SIM1: variants seen among roughly 807,000 people sequenced by gnomAD.
The protein encoded by SIM1 is single-minded homolog 1.
SIM1 carries 18 observed loss-of-function variants against 78.2 expected under a neutral mutation model. The ratio of observed to expected loss-of-function variants is 0.23; its 90% CI spans 0.16 to 0.34. The LOEUF (loss-of-function observed/expected upper bound fraction) is 0.34, where lower values mean the gene tolerates loss of function less well. Ranked by LOEUF, SIM1 falls within the 10% of genes least tolerant of loss-of-function variation. The pLI is 1.00. For synonymous variants in SIM1, 417 were observed against 385.2 expected (o/e 1.08, Z -0.97); for missense variants, 939 against 975.1 (o/e 0.96, Z 0.49).
At chr6:100,419,996 T>C (rs1171520699) in intron 10 of SIM1, among the ~76,000 whole-genome samples, 1 of 152,114 alleles carries the variant, frequency 6.6e-6, no homozygotes, top group Non-Finnish European at 1.5e-5. Context: ...TCTAGTGAAC[T>C]GCAGGAGGTA....
rs978195441 is a variant in SIM1, at chr6:100,430,899, C to CA, written c.999-9942dup. On this transcript the variant is annotated intron_variant, in intron 9 of 11. Transcript: ENST00000369208. Reference sequence around the variant, plus strand: ...TTCAGCTCCACACAAACTCCAGGAACAAAAAAAATACCTGTAATAATAAAA... The same window carrying CA: ...TTCAGCTCCACACAAACTCCAGGAACAAAAAAAAATACCTGTAATAATAAAA... 6.6e-5 allele frequency among the ~76,000 whole-genome samples: 10 copies of CA among 151,596 alleles called. No individual in the cohort carries two copies. The East Asian group carries it at 7.7e-4, about 12-fold the overall frequency.
chr6:100,450,158 C>G, intron 4 of SIM1, 109 bp downstream of exon 4: 1 of 834,866 alleles, frequency 1.2e-6, no homozygotes, highest in Non-Finnish European at 2.0e-6. Context: ...TGTGAGATGT[C>G]CAGCTCCAGG....
intron 9 of SIM1, 74 bp from the exon 10 acceptor site, chr6:100,421,032 G>A (rs1771566205): frequency 1.4e-6 from 2 of 1,452,512 alleles, no homozygotes; most frequent in South Asian, 1.3e-5. Context: ...CATCAGGAAT[G>A]ATAGTAATCC....
intron 2 of SIM1, among the ~76,000 whole-genome samples, chr6:100,457,529 C>A (rs1186856827): frequency 1.3e-5 from 2 of 152,246 alleles, no homozygotes; most frequent in Admixed American, 1.3e-4. Context: ...CCTGCCGGGC[C>A]TGCACATCCT....
intron 10 of SIM1, among the ~76,000 whole-genome samples, chr6:100,413,362 A>T (rs1771312252): frequency 6.6e-6 from 1 of 152,192 alleles, no homozygotes; most frequent in Non-Finnish European, 1.5e-5. Flanking sequence ...ACCACGGGCA[A>T]CATCTCCTAT....
intron 10 of SIM1, among the ~76,000 whole-genome samples, chr6:100,416,711 A>C (rs1013403598): frequency 6.6e-6 from 1 of 152,216 alleles, no homozygotes; most frequent in Admixed American, 6.5e-5. Context: ...TATGTGTGTC[A>C]ATAACTACTA....
At chr6:100,418,224 T>C (rs1450145903) in intron 10 of SIM1, among the ~76,000 whole-genome samples, 1 of 151,912 alleles carries the variant, frequency 6.6e-6, no homozygotes, top group East Asian at 1.9e-4. Flanking sequence ...CATTGTTGTG[T>C]GCCTGTAGTG....
chr6:100,451,652 G>A (rs1248146662), intron 3 of SIM1, among the ~76,000 whole-genome samples: 1 of 152,192 alleles, frequency 6.6e-6, no homozygotes, highest in African/African-American at 2.4e-5. Flanking sequence ...GTAGTCACAA[G>A]GGGAATATAG....
Position 100,412,683 on chromosome 6 carries a change from A to G in SIM1, c.1167+8107T>C, listed in dbSNP as rs201150803. 6.5e-3 allele frequency among the ~76,000 whole-genome samples: 501 copies of G among 77,036 alleles called. 6 individuals are homozygous for G. Among genetic ancestry groups the G allele is most frequent in the East Asian group, 0.015 (29 of 1,960 alleles). The allele number at this position is 77,036 out of a possible 152,430, so 50.5% of individuals were successfully genotyped here. On this transcript the variant is annotated intron_variant, in intron 10 of 11. Coordinates refer to ENST00000369208, the MANE Select transcript of SIM1 (RefSeq NM_005068.3). ...AGAGAGAGAGAGAGAGAAAGAAAGA[A>G]AAAGAAAGAAAGAAAGAAAGAAAGA...
rs754911024 is a variant in SIM1, at chr6:100,463,250, G to T, written c.175+44C>A. ...TCGGCTCATTGCCTGGCAAATCCCC[G>T]GCCCCTTCTGCCTTTGAAATTCCAT... On this transcript the variant is annotated intron_variant, in intron 2 of 11. Coordinates refer to ENST00000369208, the MANE Select transcript of SIM1 (RefSeq NM_005068.3). The T allele has an allele frequency of 4.5e-6, 7 of 1,539,478 alleles. No individual in the cohort carries two copies. In the East Asian group the frequency reaches 1.1e-4, roughly 25 times the overall value.
chr6:100,430,884 C>G (rs192742554), intron 9 of SIM1, among the ~76,000 whole-genome samples: 2 of 152,258 alleles, frequency 1.3e-5, no homozygotes, highest in African/African-American at 4.8e-5. Context: ...TTCAGCTCCA[C>G]ACAAACTCCA....
At chr6:100,430,149 G>T (rs1279217441) in intron 9 of SIM1, among the ~76,000 whole-genome samples, 1 of 152,178 alleles carries the variant, frequency 6.6e-6, no homozygotes, top group Non-Finnish European at 1.5e-5. Context: ...TGGTACATTT[G>T]TCATTGTTCA....
chr6:100,410,716 C>T (rs1230149392), intron 10 of SIM1, among the ~76,000 whole-genome samples: 1 of 152,100 alleles, frequency 6.6e-6, no homozygotes, highest in Non-Finnish European at 1.5e-5. Flanking sequence ...AATGAGGTGG[C>T]TCTGTAGGTA....
rs979706228 is a variant in SIM1, at chr6:100,390,272, A to G, written c.*89T>C. 1 of 1,407,438 alleles carries G rather than the reference A, an allele frequency of 7.1e-7. No individual in the cohort carries two copies. The highest frequency in any genetic ancestry group is 9.7e-7 in the Non-Finnish European group (1 of 1,034,850). The allele number at this position is 1,407,438 out of a possible 1,614,324, so 87.2% of individuals were successfully genotyped here. A position where few individuals can be genotyped will look rare whatever the true frequency, so the allele number is the denominator to read the frequency against. ...GTAACTTAAGTTATACTCTCTAACA[A>G]TCTGTGGCATAGTAAATGCTGGTAA... On this transcript the variant is annotated 3_prime_UTR_variant, in exon 12 of 12. Coordinates refer to ENST00000369208, the MANE Select transcript of SIM1 (RefSeq NM_005068.3).
intron 8 of SIM1, among the ~76,000 whole-genome samples, 190 bp from the exon 9 acceptor site, chr6:100,447,605 C>T (rs1390697052): frequency 2.0e-5 from 3 of 152,240 alleles, no homozygotes; most frequent in South Asian, 2.1e-4. Context: ...TCGAGCCCTC[C>T]GGTCACCCTT....
At chr6:100,454,341 G>A (rs1055395525) in intron 2 of SIM1, among the ~76,000 whole-genome samples, 31 of 152,160 alleles carry the variant, frequency 2.0e-4, no homozygotes, top group African/African-American at 7.5e-4. Context: ...TTGGCTGCGG[G>A]GCTTCTAGCC....
At position 100,455,872 on chromosome 6, in the gene SIM1, G is replaced by T. The variant is rs1444384079; in HGVS notation, c.176-2028C>A. 3.3e-5 allele frequency among the ~76,000 whole-genome samples: 5 copies of T among 152,324 alleles called. No homozygotes were observed. In the East Asian group the frequency reaches 9.6e-4, roughly 29 times the overall value. On this transcript the variant is annotated intron_variant, in intron 2 of 11. Transcript: ENST00000369208. ...CCAGAATGATCTGAAAATCCCCCAG[G>T]CTGGGCTCGGGATAAATACTAGTTC...
intron 10 of SIM1, among the ~76,000 whole-genome samples, chr6:100,412,735 GAAAGAAAGAAAGAAAGAAA>G (rs1771279824): frequency 7.1e-6 from 1 of 140,670 alleles, no homozygotes; most frequent in African/African-American, 2.6e-5. Context: ...AAGAAAGAAA[GAAAGAAAGAAAGAAAGAAA>G]AAAGAAAAGA....
In SIM1 at chr6:100,402,570, T is replaced by C. The variant is rs201752984; in HGVS notation, c.1168-8681A>G. Among the ~76,000 whole-genome samples, 407 of 94,880 alleles carry C rather than the reference T, an allele frequency of 4.3e-3. 3 individuals carry two copies. Among genetic ancestry groups the C allele is most frequent in the African/African-American group, 0.011 (311 of 29,146 alleles). 62.2% of individuals were successfully genotyped at this position (94,880 alleles called of 152,430 possible). ...ACATTATTTTCTTTTCTTTTCTCTT[T>C]TTTTTTTTTTTTTTTTTTTTTTTTT... On this transcript the variant is annotated intron_variant, in intron 10 of 11. Coordinates refer to ENST00000369208, the MANE Select transcript of SIM1 (RefSeq NM_005068.3).
Sources: gnomAD v4.1 joint callset for allele counts (sites outside exome capture counted in the v4.1 genomes callset) on GRCh38, gnomAD v4.1.1 for gene constraint, MANE v1.5 for transcripts, NCBI Gene and HGNC (gene_info 2026-07-23, HGNC 2026-07-21) for gene names.